ADGRB3: variants seen among roughly 807,000 people sequenced by gnomAD.
ADGRB3 encodes the protein adhesion G protein-coupled receptor B3.
In ADGRB3, 37 loss-of-function variants were observed where a neutral mutation model predicts 193.4. The ratio of observed to expected loss-of-function variants is 0.19; its 90% CI spans 0.15 to 0.25. The LOEUF (loss-of-function observed/expected upper bound fraction) is 0.25. Among genes scored for constraint, ADGRB3 ranks in the 10% least tolerant of loss-of-function variants. The pLI, the probability that ADGRB3 is intolerant of heterozygous loss-of-function variation, is 1.00. For synonymous variants in ADGRB3, 690 were observed against 644.2 expected, an observed-to-expected ratio of 1.07 and a Z score of -1.08; for missense variants, 1,637 against 1,852.9, an observed-to-expected ratio of 0.88 and a Z score of 2.14.
chr6:68,974,901 T>A (rs940127919), intron 9 of ADGRB3, 37 bp downstream of exon 9: 10 of 1,542,032 alleles, frequency 6.5e-6, no homozygotes, highest in Non-Finnish European at 9.0e-6. Context: ...CTAGTGATAA[T>A]CCCCATCCAA....
At chr6:69,239,305 C>T (rs901944035) in intron 20 of ADGRB3, 79 bp downstream of exon 20, 2 of 1,000,474 alleles carry the variant, frequency 2.0e-6, no homozygotes, top group African/African-American at 3.3e-5. Context: ...TCTAAACATT[C>T]ATTCTAAAAT....
intron 17 of ADGRB3, among the ~76,000 whole-genome samples, chr6:69,214,118 G>A (rs1253195819): frequency 6.6e-6 from 1 of 152,176 alleles, no homozygotes; most frequent in Non-Finnish European, 1.5e-5. Flanking sequence ...ACCTGAACTG[G>A]AGAAGAATAT....
chr6:68,938,885 AATC>A (rs1767558928), intron 5 of ADGRB3, among the ~76,000 whole-genome samples: 1 of 152,174 alleles, frequency 6.6e-6, no homozygotes, highest in African/African-American at 2.4e-5. Flanking sequence ...AAATTTATCT[AATC>A]AGCCTGTGTT....
intron 3 of ADGRB3, among the ~76,000 whole-genome samples, chr6:68,776,196 A>G (rs1005435805): frequency 3.9e-5 from 6 of 152,172 alleles, no homozygotes; most frequent in African/African-American, 1.4e-4. Flanking sequence ...CTAGGTATGA[A>G]AATTAATGAG....
chr6:69,189,678 C>T (rs1249801970), intron 17 of ADGRB3, among the ~76,000 whole-genome samples: 2 of 152,140 alleles, frequency 1.3e-5, no homozygotes, highest in Non-Finnish European at 2.9e-5. Context: ...CCAATTTCTG[C>T]TAAAATGAGT....
At chr6:69,198,544 T>G (rs1281786457) in intron 17 of ADGRB3, among the ~76,000 whole-genome samples, 1 of 151,936 alleles carries the variant, frequency 6.6e-6, no homozygotes, top group African/African-American at 2.4e-5. Flanking sequence ...AAAGGGAGTA[T>G]CTGAGAATTG....
intron 3 of ADGRB3, among the ~76,000 whole-genome samples, chr6:68,667,138 T>C (rs1341623910): frequency 6.6e-6 from 1 of 151,868 alleles, no homozygotes; most frequent in Non-Finnish European, 1.5e-5. Context: ...GAAAATGTAA[T>C]GTAACTTTTA....
Position 69,069,383 on chromosome 6 carries a change from A to C in ADGRB3, c.2436+6347A>C, listed in dbSNP as rs887431171. ...ACTGTGATGGATTTGACTGTGGAAA[A>C]ATTTACGTCTACTAATGTCTTGCTT... is the stretch of plus-strand genomic sequence containing the variant. On this transcript the variant is annotated intron_variant, in intron 16 of 31. Transcript: ENST00000370598. 1.6e-4 allele frequency among the ~76,000 whole-genome samples: 24 copies of C among 151,648 alleles called. 1 individual carries two copies. The Middle Eastern group carries it at 0.01, about 64-fold the overall frequency.
chr6:69,153,098 T>G (rs1774724630), intron 17 of ADGRB3, among the ~76,000 whole-genome samples: 1 of 152,200 alleles, frequency 6.6e-6, no homozygotes, highest in African/African-American at 2.4e-5. Flanking sequence ...AAAAGGACTA[T>G]ATTTAAAATG....
intron 31 of ADGRB3, among the ~76,000 whole-genome samples, chr6:69,384,360 A>G (rs1003130808): frequency 2.6e-5 from 4 of 152,068 alleles, no homozygotes; most frequent in African/African-American, 9.7e-5. Context: ...ATAGAAGGCT[A>G]TCAATTTTTA....
chr6:68,849,736 G>C (rs1296304324), intron 3 of ADGRB3, among the ~76,000 whole-genome samples: 1 of 151,850 alleles, frequency 6.6e-6, no homozygotes, highest in Admixed American at 6.6e-5. Context: ...ACTTCCATCT[G>C]TATCTTCTAA....
At chr6:68,798,016 C>A (rs1767243824) in intron 3 of ADGRB3, among the ~76,000 whole-genome samples, 1 of 152,072 alleles carries the variant, frequency 6.6e-6, no homozygotes, top group African/African-American at 2.4e-5. Flanking sequence ...TTTATTGTGA[C>A]ACTCCTATTG....
intron 9 of ADGRB3, 126 bp from the exon 10 acceptor site, chr6:68,975,108 A>C (rs1021818092): frequency 2.8e-5 from 21 of 750,398 alleles, no homozygotes; most frequent in Non-Finnish European, 3.7e-5. Context: ...TCAAAATATC[A>C]ATTTCATGTG....
At chr6:68,844,632 A>G (rs982303827) in intron 3 of ADGRB3, among the ~76,000 whole-genome samples, 3 of 152,138 alleles carry the variant, frequency 2.0e-5, no homozygotes, top group Non-Finnish European at 4.4e-5. Flanking sequence ...GTATACCCAA[A>G]AGTAATCAGG....
intron 3 of ADGRB3, among the ~76,000 whole-genome samples, chr6:68,728,442 C>A (rs1765713345): frequency 6.6e-6 from 1 of 151,454 alleles, no homozygotes; most frequent in East Asian, 1.9e-4. Flanking sequence ...GAAGGAATCT[C>A]TTCCACAGCT....
At chr6:68,713,322 A>G (rs1032488711) in intron 3 of ADGRB3, among the ~76,000 whole-genome samples, 2 of 151,872 alleles carry the variant, frequency 1.3e-5, no homozygotes, top group Admixed American at 1.3e-4. Flanking sequence ...CTCTCATTGA[A>G]AATGCTTCAT....
chr6:69,362,569 C>A (rs1317040541), intron 29 of ADGRB3, among the ~76,000 whole-genome samples: 1 of 151,882 alleles, frequency 6.6e-6, no homozygotes, highest in Non-Finnish European at 1.5e-5. Flanking sequence ...TGAGAAAATT[C>A]TAGACAATAA....
At chr6:69,002,238 TTGATG>T (rs1177037137) in intron 11 of ADGRB3, among the ~76,000 whole-genome samples, 3 of 150,318 alleles carry the variant, frequency 2.0e-5, no homozygotes, top group Non-Finnish European at 4.5e-5. Flanking sequence ...TTTTTTTTTT[TTGATG>T]GAGTTTTGCT....
intron 3 of ADGRB3, among the ~76,000 whole-genome samples, chr6:68,848,674 A>C (rs1032131082): frequency 6.6e-6 from 1 of 152,012 alleles, no homozygotes; most frequent in African/African-American, 2.4e-5. Flanking sequence ...AAAATTTCTA[A>C]ATTTTATAAT....
Sources: allele counts gnomAD v4.1 joint callset (sites outside exome capture counted in the v4.1 genomes callset), GRCh38; gene constraint gnomAD v4.1.1; transcripts MANE v1.5; gene names NCBI Gene and HGNC (gene_info 2026-07-23, HGNC 2026-07-21).